Variants in CAMKMT observed in about 807,000 individuals in gnomAD.
The protein encoded by CAMKMT is calmodulin-lysine N-methyltransferase.
A neutral mutation model predicts 48.0 loss-of-function variants in CAMKMT; 53 were observed. That is an observed-to-expected ratio of 1.10 (90% CI 0.89 to 1.39). The LOEUF is 1.39. CAMKMT is among the 40% of genes most tolerant of loss of function. The pLI is 0.00. For missense variants in CAMKMT, 428 were observed against 402.7 expected (o/e 1.06, Z -0.54); for synonymous variants, 165 against 152.3 (o/e 1.08, Z -0.61).
chr2:44,617,882 G>C (rs1479553026), intron 3 of CAMKMT, among the ~76,000 whole-genome samples: 1 of 152,144 alleles, frequency 6.6e-6, no homozygotes, highest in African/African-American at 2.4e-5. Context: ...TCTGTTCGCA[G>C]GCAACGAATA....
intron 3 of CAMKMT, among the ~76,000 whole-genome samples, chr2:44,633,759 T>A (rs1368593524): frequency 1.3e-5 from 2 of 152,202 alleles, no homozygotes; most frequent in East Asian, 3.8e-4. Flanking sequence ...TAAATTTTCT[T>A]GAGTTTCTTT....
intron 3 of CAMKMT, among the ~76,000 whole-genome samples, chr2:44,659,304 G>A (rs1307457793): frequency 1.3e-5 from 2 of 151,952 alleles, no homozygotes; most frequent in Non-Finnish European, 2.9e-5. Flanking sequence ...CTACATGCCT[G>A]TAGGCCCAGC....
At chr2:44,504,384 A>G (rs1399182928) in intron 3 of CAMKMT, among the ~76,000 whole-genome samples, 1 of 152,192 alleles carries the variant, frequency 6.6e-6, no homozygotes, top group African/African-American at 2.4e-5. Context: ...TTTTGAATTT[A>G]TGTTTAATTC....
intron 3 of CAMKMT, among the ~76,000 whole-genome samples, chr2:44,423,444 G>T (rs972252268): frequency 9.9e-5 from 15 of 151,994 alleles, no homozygotes; most frequent in African/African-American, 3.1e-4. Flanking sequence ...TTGGCCTCCC[G>T]AAGTGCTGGC....
intron 2 of CAMKMT, among the ~76,000 whole-genome samples, chr2:44,388,477 A>G (rs1275361632): frequency 6.6e-6 from 1 of 152,122 alleles, no homozygotes; most frequent in Non-Finnish European, 1.5e-5. Context: ...GATTAGCTTA[A>G]TAACTAACCT....
chr2:44,539,935 T>G (rs1667000931), intron 3 of CAMKMT, among the ~76,000 whole-genome samples: 1 of 152,186 alleles, frequency 6.6e-6, no homozygotes, highest in Non-Finnish European at 1.5e-5. Flanking sequence ...GTAAAGTTAC[T>G]GTTTTTCTTT....
intron 3 of CAMKMT, among the ~76,000 whole-genome samples, chr2:44,441,430 G>A (rs1035608760): frequency 3.9e-5 from 6 of 152,108 alleles, no homozygotes; most frequent in African/African-American, 1.2e-4. Flanking sequence ...TGCAAATAGA[G>A]GAGTCTTTAG....
intron 3 of CAMKMT, among the ~76,000 whole-genome samples, chr2:44,703,710 A>C (rs988534516): frequency 2.7e-5 from 4 of 150,460 alleles, no homozygotes; most frequent in African/African-American, 9.8e-5. Flanking sequence ...TCCAGGAGGC[A>C]GACTTTACAG....
intron 9 of CAMKMT, 107 bp downstream of exon 9, chr2:44,754,225 T>A: frequency 1.2e-6 from 1 of 816,612 alleles, no homozygotes; most frequent in South Asian, 1.7e-5. Context: ...TGTAATACTT[T>A]AATACTTATT....
At chr2:44,406,899 C>T (rs1045125941) in intron 3 of CAMKMT, among the ~76,000 whole-genome samples, 9 of 152,190 alleles carry the variant, frequency 5.9e-5, no homozygotes, top group African/African-American at 1.7e-4. Flanking sequence ...TGAGCCATTG[C>T]GCCCAGCCAA....
intron 3 of CAMKMT, among the ~76,000 whole-genome samples, chr2:44,689,282 T>TTATTTATA: frequency 6.7e-6 from 1 of 149,114 alleles, no homozygotes; most frequent in Non-Finnish European, 1.5e-5. Context: ...ATTTATTTAT[T>TTATTTATA]TATTTATTTA....
At chr2:44,454,491 A>C (rs1303130232) in intron 3 of CAMKMT, among the ~76,000 whole-genome samples, 1 of 152,158 alleles carries the variant, frequency 6.6e-6, no homozygotes, top group African/African-American at 2.4e-5. Flanking sequence ...ATTGCCAGAA[A>C]GCTTTGTTCA....
At chr2:44,597,979 C>T (rs1299990558) in intron 3 of CAMKMT, among the ~76,000 whole-genome samples, 5 of 152,132 alleles carry the variant, frequency 3.3e-5, no homozygotes, top group African/African-American at 4.8e-5. Flanking sequence ...TTTTGATCCA[C>T]CTGCCTCGGC....
chr2:44,398,130 G>C (rs1682027272), intron 3 of CAMKMT, among the ~76,000 whole-genome samples: 2 of 152,104 alleles, frequency 1.3e-5, no homozygotes. Flanking sequence ...GTACTGTCCC[G>C]TTTAATAATC....
At chr2:44,686,646 T>C (rs1676356595) in intron 3 of CAMKMT, among the ~76,000 whole-genome samples, 1 of 152,346 alleles carries the variant, frequency 6.6e-6, no homozygotes, top group South Asian at 2.1e-4. Flanking sequence ...ATGAACACGT[T>C]TGAATAAGAA....
chr2:44,726,307 T>C (rs1398843882), intron 7 of CAMKMT, among the ~76,000 whole-genome samples: 1 of 152,232 alleles, frequency 6.6e-6, no homozygotes, highest in Non-Finnish European at 1.5e-5. Context: ...TCTTGACCTT[T>C]TAAGAATAGC....
intron 3 of CAMKMT, among the ~76,000 whole-genome samples, chr2:44,645,745 T>C (rs36107826): frequency 0.63 from 95,666 of 151,870 alleles, 30,666 homozygotes; most frequent in Middle Eastern, 0.7. Flanking sequence ...CGCTTAAACC[T>C]GGGAGGCGGA....
intron 3 of CAMKMT, among the ~76,000 whole-genome samples, chr2:44,415,811 A>G (rs976747444): frequency 6.6e-6 from 1 of 152,190 alleles, no homozygotes; most frequent in South Asian, 2.1e-4. Flanking sequence ...AGTATTTTGC[A>G]TCCCCTTATA....
At chr2:44,491,469 G>A (rs1669502519) in intron 3 of CAMKMT, among the ~76,000 whole-genome samples, 1 of 152,018 alleles carries the variant, frequency 6.6e-6, no homozygotes, top group Non-Finnish European at 1.5e-5. Flanking sequence ...TTGGCTTCCA[G>A]GATATTTAAA....
Sources: gnomAD v4.1 joint callset for allele counts (sites outside exome capture counted in the v4.1 genomes callset) on GRCh38, gnomAD v4.1.1 for gene constraint, MANE v1.5 for transcripts, NCBI Gene and HGNC (gene_info 2026-07-23, HGNC 2026-07-21) for gene names.